The following MAPT variants were observed in gnomAD, a reference collection of about 807,000 sequenced individuals.
The protein encoded by MAPT is microtubule-associated protein tau.
MAPT carries 34 observed loss-of-function variants against 67.9 expected under a neutral mutation model. That is an observed-to-expected ratio of 0.50 (90% CI 0.38 to 0.67). The LOEUF (loss-of-function observed/expected upper bound fraction) is 0.67. MAPT is among the 30% of genes least tolerant of loss of function. The pLI is 0.00. For synonymous variants in MAPT, 456 were observed against 464.5 expected (o/e 0.98, Z 0.23); for missense variants, 881 against 1,115.2 (o/e 0.79, Z 2.99).
Position 46,010,340 on chromosome 17 carries a change from A to G in MAPT, c.2029A>G (p.Ser677Gly). Residue 677 changes from serine to glycine, a missense_variant, in exon 10 of 13, where the codon AGC becomes GGC. Around this residue, in one of 6 missense-constraint regions of MAPT, gnomAD observed 34 missense variants for 51.2 expected, o/e 0.66. Coordinates refer to ENST00000262410, the MANE Select transcript of MAPT (RefSeq NM_001377265.1). The surrounding 1 kb of genome is among the most constrained non-coding windows in gnomAD (Gnocchi z 4.7). ...VQIINKKLDL[S>G]NVQSKCGSKD... is the part of the protein sequence containing the mutation. ...GATAATTAATAAGAAGCTGGATCTT[A>G]GCAACGTCCAGTCCAAGTGTGGCTC... 3 of 1,580,632 alleles carry G rather than the reference A, an allele frequency of 1.9e-6. No individual in the cohort carries two copies. Among genetic ancestry groups the G allele is most frequent in the Non-Finnish European group, 2.6e-6 (3 of 1,162,312 alleles).
In MAPT at chr17:45,983,454, A is replaced by T. The variant is rs763182940; in HGVS notation, c.875A>T (p.Glu292Val). 3 of 1,606,906 alleles carry T rather than the reference A, an allele frequency of 1.9e-6. No homozygotes were observed. The highest frequency in any genetic ancestry group is 2.6e-6 in the Non-Finnish European group (3 of 1,175,796). Residue 292 changes from glutamate (E) to valine (V), a missense_variant, in exon 5 of 13, where the codon GAG (glutamate) becomes GTG (valine). Physicochemically the swap from Glu to Val is moderately radical, Grantham distance 121. Transcript: ENST00000262410. The stretch of plus-strand genomic sequence containing the variant: ...AAAGAGAGGCCGGGGAGCAAGGAGG[A>T]GGTGGATGAAGACCGCGACGTCGAT... Reference protein sequence around the residue: ...GGKERPGSKEEVDEDRDVDES... With the variant: ...GGKERPGSKEVVDEDRDVDES...
chr17:45,988,649 G>A (rs1177693556), intron 6 of MAPT, among the ~76,000 whole-genome samples: 1 of 152,196 alleles, frequency 6.6e-6, no homozygotes, highest in Non-Finnish European at 1.5e-5. Flanking sequence ...TTGGAGGCTT[G>A]GCACAGTGGC....
At position 45,995,936 on chromosome 17, in the gene MAPT, G is replaced by A. The variant is rs2074431623; in HGVS notation, c.1733-463G>A. ...CTGCATCACCCTTATTTAGGATAAA[G>A]GCCCTGAAGAATTGTATTAGAGGTT... On this transcript the variant is annotated intron_variant, in intron 8 of 12. Transcript: ENST00000262410. The surrounding 1 kb of genome is among the most constrained non-coding windows in gnomAD (Gnocchi z 4.3). Among the ~76,000 whole-genome samples, 2 of 152,214 alleles carry A rather than the reference G, an allele frequency of 1.3e-5. No individual in the cohort carries two copies. Among genetic ancestry groups the A allele is most frequent in the South Asian group, 4.1e-4 (2 of 4,828 alleles).
rs2075747875 is a variant in MAPT at position 46,010,445 on chromosome 17, A to G, written c.2091+43A>G. On this transcript the variant is annotated intron_variant, in intron 10 of 12. Coordinates refer to ENST00000262410, the MANE Select transcript of MAPT (RefSeq NM_001377265.1). This position sits in a 1 kb window ranked among gnomAD's most constrained non-coding sequence, Gnocchi z 4.7. ...TCCCATGCGCCGTGCTGTGGCTTGA[A>G]TTATTAGGAAGTGGTGTGAGTGCGT... 1 of 1,367,106 alleles carries G rather than the reference A, an allele frequency of 7.3e-7. No individual in the cohort carries two copies. The highest frequency in any genetic ancestry group is 1.0e-6 in the Non-Finnish European group (1 of 977,920). The allele number at this position is 1,367,106 out of a possible 1,614,324, so 84.7% of individuals were successfully genotyped here.
At chr17:45,909,942 G>A (rs2064640673) in intron 1 of MAPT, among the ~76,000 whole-genome samples, 1 of 150,918 alleles carries the variant, frequency 6.6e-6, no homozygotes, top group East Asian at 2.0e-4. Context: ...TTGGGAGGCT[G>A]AGGCACGAGA....
chr17:45,930,831 T>C (rs1814841804), intron 1 of MAPT, among the ~76,000 whole-genome samples: 1 of 152,218 alleles, frequency 6.6e-6, no homozygotes, highest in Non-Finnish European at 1.5e-5. Flanking sequence ...TCCCCACTTG[T>C]AGACCAGGAA....
chr17:45,955,429 C>T (rs944992470), intron 1 of MAPT, among the ~76,000 whole-genome samples: 6 of 152,244 alleles, frequency 3.9e-5, no homozygotes, highest in Non-Finnish European at 7.3e-5. Context: ...CCCATCCAAT[C>T]GGCCCCGCCT....
chr17:45,935,542 A>G (rs887894153), intron 1 of MAPT, among the ~76,000 whole-genome samples: 15 of 152,132 alleles, frequency 9.9e-5, no homozygotes, highest in Non-Finnish European at 1.6e-4. Context: ...AAAACTCAGG[A>G]TGCATGTGCT....
chr17:45,914,813 C>G (rs2065061896), intron 1 of MAPT, among the ~76,000 whole-genome samples: 1 of 151,710 alleles, frequency 6.6e-6, no homozygotes, highest in South Asian at 2.1e-4. Context: ...CTGAACCTCC[C>G]AGGCTCAAGC....
At chr17:45,950,681 AT>A (rs771139027) in intron 1 of MAPT, among the ~76,000 whole-genome samples, 2 of 151,882 alleles carry the variant, frequency 1.3e-5, no homozygotes, top group Non-Finnish European at 2.9e-5. Flanking sequence ...TTATTTATGT[AT>A]TTTTTGAGAC....
At chr17:45,951,038 C>T (rs2069021519) in intron 1 of MAPT, among the ~76,000 whole-genome samples, 1 of 152,242 alleles carries the variant, frequency 6.6e-6, no homozygotes, top group Non-Finnish European at 1.5e-5. Flanking sequence ...ACTATCCCTC[C>T]CATTACCCAA....
At chr17:46,012,206 G>A (rs1457182137) in intron 10 of MAPT, among the ~76,000 whole-genome samples, 1 of 152,190 alleles carries the variant, frequency 6.6e-6, no homozygotes, top group Admixed American at 6.5e-5. Flanking sequence ...GCGGAGCTGG[G>A]GAGAGAGTGC....
intron 2 of MAPT, among the ~76,000 whole-genome samples, chr17:45,964,977 C>G (rs2070886968): frequency 6.6e-6 from 1 of 152,128 alleles, no homozygotes; most frequent in African/African-American, 2.4e-5. Context: ...TCCCAGCTGC[C>G]CCCCTGGCAG....
At chr17:46,023,435 G>A (rs2076652526) in intron 12 of MAPT, among the ~76,000 whole-genome samples, 1 of 152,214 alleles carries the variant, frequency 6.6e-6, no homozygotes, top group Non-Finnish European at 1.5e-5. Flanking sequence ...TCTCTGGAGG[G>A]TACACAAGAA....
intron 11 of MAPT, among the ~76,000 whole-genome samples, chr17:46,017,460 T>TTTTTTTTTTTG: frequency 8.3e-6 from 1 of 120,930 alleles, no homozygotes; most frequent in Admixed American, 8.2e-5. Flanking sequence ...TTTTTTTTTT[T>TTTTTTTTTTTG]TTTTTTTTTT....
In MAPT at chr17:45,925,135, G is replaced by A. The variant is rs965093680; in HGVS notation, c.-18+30449G>A. ...TCTCTCCCTATCTCTTGTGTTTGACGCATGATAGGAATTCAGAAATATATG... is the reference window on the plus strand; with the variant it reads ...TCTCTCCCTATCTCTTGTGTTTGACACATGATAGGAATTCAGAAATATATG... On this transcript the variant is annotated intron_variant, in intron 1 of 12. Transcript: ENST00000262410. Among the ~76,000 whole-genome samples, 13 of 152,200 alleles carry A rather than the reference G, an allele frequency of 8.5e-5. No homozygotes were observed. In the East Asian group the frequency reaches 1.4e-3, roughly 16 times the overall value.
intron 4 of MAPT, chr17:45,979,826 C>T (rs565783006): frequency 6.6e-6 from 1 of 152,300 alleles, no homozygotes; most frequent in South Asian, 2.1e-4. Context: ...GCCCCCAGAA[C>T]ATATTCCATG....
intron 1 of MAPT, among the ~76,000 whole-genome samples, chr17:45,928,832 A>G (rs575666791): frequency 2.4e-4 from 36 of 152,250 alleles, no homozygotes; most frequent in African/African-American, 8.7e-4. Flanking sequence ...AGTGGCTGGA[A>G]CTACAAGTGC....
chr17:45,985,400 C>A (rs1258719801), intron 5 of MAPT, among the ~76,000 whole-genome samples: 3 of 152,162 alleles, frequency 2.0e-5, no homozygotes, highest in African/African-American at 7.2e-5. Flanking sequence ...ACTGACTTGA[C>A]AGGTTACTAC....
Sources: allele counts gnomAD v4.1 joint callset (sites outside exome capture counted in the v4.1 genomes callset), GRCh38; gene constraint gnomAD v4.1.1; regional missense constraint gnomAD v4.1.1; non-coding constraint Gnocchi (gnomAD v3.1); transcripts MANE v1.5; gene names NCBI Gene and HGNC (gene_info 2026-07-23, HGNC 2026-07-21).